The following DCDC2 variants were observed in gnomAD, a reference collection of about 807,000 sequenced individuals.
DCDC2 encodes the protein doublecortin domain-containing protein 2.
Under a neutral mutation model 50.2 loss-of-function variants are expected in DCDC2, and 40 were observed. That is an observed-to-expected ratio of 0.80 (90% confidence interval 0.62 to 1.04). DCDC2 has a LOEUF of 1.04. Among genes scored for constraint, DCDC2 ranks in the 50% least tolerant of loss-of-function variants. The probability of loss-of-function intolerance (pLI) is 0.00; values close to 1 mark genes in which losing one functional copy is unlikely to be tolerated. For synonymous variants in DCDC2, 234 were observed against 210.6 expected (o/e 1.11, Z -0.96); for missense variants, 570 against 581.9 (o/e 0.98, Z 0.21).
At chr6:24,294,213 G>T (rs1012163458) in intron 4 of DCDC2, among the ~76,000 whole-genome samples, 1 of 152,144 alleles carries the variant, frequency 6.6e-6, no homozygotes, top group South Asian at 2.1e-4. Flanking sequence ...AAAAAAATTA[G>T]CTGGGTATGG....
intron 2 of DCDC2, among the ~76,000 whole-genome samples, chr6:24,317,233 T>C (rs1012609258): frequency 2.6e-5 from 4 of 152,116 alleles, no homozygotes; most frequent in African/African-American, 9.6e-5. Context: ...ATTTTGATAA[T>C]TTTTAAACCA....
chr6:24,300,456 G>A (rs150096862), intron 4 of DCDC2, among the ~76,000 whole-genome samples: 1 of 152,288 alleles, frequency 6.6e-6, no homozygotes, highest in African/African-American at 2.4e-5. Flanking sequence ...ATGCTGAAAA[G>A]TACTAGGGAG....
the DCDC2 span, among the ~76,000 whole-genome samples, chr6:24,383,195 G>A: frequency 6.7e-3 from 1,016 of 152,026 alleles, 11 homozygotes; most frequent in African/African-American, 0.019. Flanking sequence ...GCGTGGTGGC[G>A]CATGCCTGTA....
intron 8 of DCDC2, among the ~76,000 whole-genome samples, chr6:24,188,030 G>A (rs969009850): frequency 2.6e-5 from 4 of 152,218 alleles, no homozygotes; most frequent in Admixed American, 2.0e-4. Context: ...ATAAAGTACA[G>A]AGCAAAGACA....
chr6:24,324,976 AAGAC>A (rs1215433641), intron 2 of DCDC2, among the ~76,000 whole-genome samples: 1 of 152,146 alleles, frequency 6.6e-6, no homozygotes, highest in Non-Finnish European at 1.5e-5. Flanking sequence ...AACTACATCA[AAGAC>A]AGCACAAGAA....
chr6:24,291,874 A>C (rs1763760137), intron 4 of DCDC2, among the ~76,000 whole-genome samples: 1 of 152,196 alleles, frequency 6.6e-6, no homozygotes, highest in Non-Finnish European at 1.5e-5. Context: ...GCCCTCAACC[A>C]AAATATTACA....
chr6:24,191,776 C>A (rs1174224281), intron 8 of DCDC2, among the ~76,000 whole-genome samples: 1 of 152,042 alleles, frequency 6.6e-6, no homozygotes, highest in Non-Finnish European at 1.5e-5. Context: ...TCAGTTAAGA[C>A]AACTTTAAAA....
intron 8 of DCDC2, among the ~76,000 whole-genome samples, chr6:24,191,198 G>A (rs139524897): frequency 9.8e-4 from 149 of 152,162 alleles, no homozygotes; most frequent in African/African-American, 3.4e-3. Context: ...TTATCTTTCC[G>A]CATATTTTAT....
chr6:24,198,595 C>G (rs1761502582), intron 8 of DCDC2, among the ~76,000 whole-genome samples: 1 of 151,988 alleles, frequency 6.6e-6, no homozygotes, highest in Non-Finnish European at 1.5e-5. Context: ...GGGCAGACAC[C>G]AAGCTAGCTA....
At chr6:24,316,033 C>T (rs945206347) in intron 2 of DCDC2, among the ~76,000 whole-genome samples, 1 of 152,086 alleles carries the variant, frequency 6.6e-6, no homozygotes, top group Admixed American at 6.6e-5. Context: ...GCGAAGGAGA[C>T]CTGGAACAGT....
At chr6:24,264,851 C>A (rs993915230) in intron 7 of DCDC2, among the ~76,000 whole-genome samples, 1 of 151,154 alleles carries the variant, frequency 6.6e-6, no homozygotes, top group African/African-American at 2.4e-5. Context: ...AAAAAGAGAC[C>A]TGACAATCTG....
At chr6:24,206,173 G>A (rs975532024) in intron 7 of DCDC2, among the ~76,000 whole-genome samples, 3 of 152,024 alleles carry the variant, frequency 2.0e-5, no homozygotes, top group African/African-American at 7.2e-5. Flanking sequence ...ACTTGTTGAG[G>A]ACCAATTATA....
intron 7 of DCDC2, among the ~76,000 whole-genome samples, chr6:24,240,041 G>A (rs1762532776): frequency 6.6e-6 from 1 of 152,108 alleles, no homozygotes; most frequent in South Asian, 2.1e-4. Flanking sequence ...TCAACTAAGA[G>A]CCAACAAGGA....
chr6:24,328,145 C>T (rs1759906956), intron 2 of DCDC2, among the ~76,000 whole-genome samples: 1 of 152,194 alleles, frequency 6.6e-6, no homozygotes, highest in African/African-American at 2.4e-5. Flanking sequence ...TCTTCAAGGG[C>T]ATACATCTCC....
At chr6:24,237,061 C>G (rs1087287) in intron 7 of DCDC2, among the ~76,000 whole-genome samples, 81,490 of 151,460 alleles carry the variant, frequency 0.54, 23,742 homozygotes, top group Non-Finnish European at 0.64. Flanking sequence ...CTCACCAAAA[C>G]AAACTATATA....
intron 2 of DCDC2, among the ~76,000 whole-genome samples, chr6:24,313,426 A>T (rs1368237558): frequency 6.6e-6 from 1 of 152,078 alleles, no homozygotes; most frequent in African/African-American, 2.4e-5. Flanking sequence ...TTTCTTTTGT[A>T]TTCTTTCTTA....
At chr6:24,202,038 C>G (rs553259051) in intron 8 of DCDC2, among the ~76,000 whole-genome samples, 493 of 152,028 alleles carry the variant, frequency 3.2e-3, no homozygotes, top group Admixed American at 6.1e-3. Context: ...AGATTCACAG[C>G]TGAATTCTAC....
At chr6:24,212,955 C>A (rs1761902373) in intron 7 of DCDC2, among the ~76,000 whole-genome samples, 1 of 152,164 alleles carries the variant, frequency 6.6e-6, no homozygotes, top group Non-Finnish European at 1.5e-5. Context: ...TTTTCTGCAA[C>A]TAGGACAGCT....
chr6:24,271,981 T>G (rs528604611), intron 7 of DCDC2, among the ~76,000 whole-genome samples: 1 of 152,166 alleles, frequency 6.6e-6, no homozygotes, highest in Admixed American at 6.5e-5. Flanking sequence ...CCAAAAGAAT[T>G]TACTGCAGAA....
Sources: gnomAD v4.1 joint callset for allele counts (sites outside exome capture counted in the v4.1 genomes callset) on GRCh38, gnomAD v4.1.1 for gene constraint, MANE v1.5 for transcripts, NCBI Gene and HGNC (gene_info 2026-07-23, HGNC 2026-07-21) for gene names.